Variants in PROS1 observed in about 807,000 individuals in gnomAD.
The protein encoded by PROS1 is vitamin K-dependent protein S.
Under a neutral mutation model 75.9 loss-of-function variants are expected in PROS1, and 29 were observed. The ratio of observed to expected loss-of-function variants is 0.38; its 90% CI spans 0.28 to 0.52. The LOEUF (loss-of-function observed/expected upper bound fraction) is 0.52, where lower values mean the gene tolerates loss of function less well. Among genes scored for constraint, PROS1 ranks in the 20% least tolerant of loss-of-function variants. The pLI, the probability that PROS1 is intolerant of heterozygous loss-of-function variation, is 0.83. For synonymous variants in PROS1, 245 were observed against 280.6 expected (o/e 0.87, Z 1.27); for missense variants, 680 against 810.3 (o/e 0.84, Z 1.95).
At chr3:93,954,133 G>A (rs1157393818) in intron 1 of PROS1, among the ~76,000 whole-genome samples, 4 of 152,102 alleles carry the variant, frequency 2.6e-5, no homozygotes, top group South Asian at 2.1e-4. Flanking sequence ...TCAATATCAC[G>A]AAAATGGCCA....
intron 1 of PROS1, among the ~76,000 whole-genome samples, chr3:93,966,916 A>G (rs1340407438): frequency 6.6e-6 from 1 of 152,174 alleles, no homozygotes; most frequent in Non-Finnish European, 1.5e-5. Flanking sequence ...ATTGTTTCTC[A>G]AGAGAAGCCA....
At chr3:93,880,347 A>G (rs1474820734) in intron 12 of PROS1, among the ~76,000 whole-genome samples, 1 of 152,056 alleles carries the variant, frequency 6.6e-6, no homozygotes, top group Admixed American at 6.6e-5. Flanking sequence ...AAAAAAATAC[A>G]AAAAATTAGC....
At chr3:93,944,961 G>T (rs1323987555) in intron 1 of PROS1, among the ~76,000 whole-genome samples, 1 of 151,622 alleles carries the variant, frequency 6.6e-6, no homozygotes, top group African/African-American at 2.4e-5. Flanking sequence ...TCAAATAGAC[G>T]CAATAAAAAA....
chr3:93,972,593 C>T (rs1709895364), intron 1 of PROS1, among the ~76,000 whole-genome samples: 1 of 151,722 alleles, frequency 6.6e-6, no homozygotes, highest in African/African-American at 2.4e-5. Flanking sequence ...AATCCCAGCA[C>T]TTTGGGAGGC....
chr3:93,955,357 A>G (rs1198595912), intron 1 of PROS1, among the ~76,000 whole-genome samples: 3 of 152,258 alleles, frequency 2.0e-5, no homozygotes, highest in Non-Finnish European at 2.9e-5. Context: ...CTGGATTAAG[A>G]AAATGTGGCA....
intron 1 of PROS1, among the ~76,000 whole-genome samples, chr3:93,938,413 G>T (rs980368601): frequency 7.9e-5 from 12 of 152,208 alleles, no homozygotes; most frequent in African/African-American, 2.2e-4. Flanking sequence ...AAGCCTGTTT[G>T]GTGGTCTCTT....
chr3:93,955,718 A>C (rs1709587996), intron 1 of PROS1, among the ~76,000 whole-genome samples: 2 of 149,896 alleles, frequency 1.3e-5, no homozygotes, highest in African/African-American at 2.5e-5. Context: ...TAGAACTTAA[A>C]GTATAAAAAA....
chr3:93,911,762 G>C (rs1186078242), intron 3 of PROS1, among the ~76,000 whole-genome samples: 1 of 152,162 alleles, frequency 6.6e-6, no homozygotes, highest in Non-Finnish European at 1.5e-5. Context: ...CTAAGACAGA[G>C]AAAGCAAACT....
At chr3:93,950,214 A>G (rs1709472414) in intron 1 of PROS1, among the ~76,000 whole-genome samples, 1 of 152,170 alleles carries the variant, frequency 6.6e-6, no homozygotes, top group South Asian at 2.1e-4. Context: ...CCCATGGCAG[A>G]TCAAGGAGGC....
intron 8 of PROS1, 29 bp downstream of exon 8, chr3:93,898,419 T>C (rs373668396): frequency 1.9e-6 from 3 of 1,610,586 alleles, no homozygotes; most frequent in Admixed American, 1.7e-5. Flanking sequence ...AGAAAACAGG[T>C]GAGAAGTTAA....
At chr3:93,902,261 C>G (rs1708607299) in intron 6 of PROS1, among the ~76,000 whole-genome samples, 1 of 151,970 alleles carries the variant, frequency 6.6e-6, no homozygotes, top group South Asian at 2.1e-4. Context: ...TTGCACCACT[C>G]CACTCCATCC....
chr3:93,886,089 T>C (rs1237993774), intron 11 of PROS1, among the ~76,000 whole-genome samples: 1 of 152,196 alleles, frequency 6.6e-6, no homozygotes. Context: ...AACTTGAGAA[T>C]TTTAGAAATC....
At chr3:93,936,504 A>G (rs141770679) in intron 1 of PROS1, among the ~76,000 whole-genome samples, 1,967 of 152,302 alleles carry the variant, frequency 0.013, 46 homozygotes, top group African/African-American at 0.044. Flanking sequence ...GGAGTTCTCT[A>G]TAGCTCTGTT....
intron 1 of PROS1, among the ~76,000 whole-genome samples, chr3:93,934,008 CAAAAA>C (rs60441503): frequency 2.3e-5 from 2 of 88,566 alleles, no homozygotes; most frequent in Admixed American, 1.3e-4. Flanking sequence ...GACTCTGTCT[CAAAAA>C]AAAAAAAAAA....
Position 93,879,297 on chromosome 3 carries a change from C to T in PROS1, c.1510G>A (p.Glu504Lys). The change falls in exon 13 of 15, where the codon GAG becomes AAG. Residue 504 changes from glutamate to lysine, a missense_variant. Coordinates refer to ENST00000394236, the MANE Select transcript of PROS1 (RefSeq NM_000313.4). ...AAGGTCACATTTACATGCCAACCCT[C>T]AGCACTGGATACATTATCTATTTAA... ...HIDYNNVSSAEGWHVNVTLNI... is the reference protein window; with the variant it reads ...HIDYNNVSSAKGWHVNVTLNI... 6.2e-7 allele frequency: 1 copy of T among 1,613,990 alleles called. No homozygotes were observed. Among genetic ancestry groups the T allele is most frequent in the Non-Finnish European group, 8.5e-7 (1 of 1,179,902 alleles).
chr3:93,929,055 CTCG>C (rs1709067839), intron 1 of PROS1, among the ~76,000 whole-genome samples: 1 of 152,184 alleles, frequency 6.6e-6, no homozygotes, highest in Admixed American at 6.5e-5. Flanking sequence ...AGCACATATA[CTCG>C]TCATCTCAAC....
Position 93,973,811 on chromosome 3 carries a change from A to G in PROS1, c.-62T>C, listed in dbSNP as rs556711298. The G allele has an allele frequency of 6.9e-7, 1 of 1,447,776 alleles. No individual in the cohort carries two copies. The highest frequency in any genetic ancestry group is 9.4e-7 in the Non-Finnish European group (1 of 1,060,040). The allele number at this position is 1,447,776 out of a possible 1,614,324, so 89.7% of individuals were successfully genotyped here. ...GCGTCGCGGCGGGGACCGGAGCGCT[A>G]GGCGCCGCGGAGCTGCGAGCCTGTG... On this transcript the variant is annotated 5_prime_UTR_variant, in exon 1 of 15. Transcript: ENST00000394236.
intron 12 of PROS1, among the ~76,000 whole-genome samples, chr3:93,883,299 T>A (rs1708298659): frequency 6.6e-6 from 1 of 152,110 alleles, no homozygotes; most frequent in Non-Finnish European, 1.5e-5. Context: ...ACTGAGCTGC[T>A]ATGATGAAAA....
intron 3 of PROS1, among the ~76,000 whole-genome samples, chr3:93,917,173 C>CA (rs1708868116): frequency 6.6e-6 from 1 of 152,218 alleles, no homozygotes; most frequent in Non-Finnish European, 1.5e-5. Flanking sequence ...TACTTGCTTT[C>CA]AAAAAATACA....
Sources: allele counts gnomAD v4.1 joint callset (sites outside exome capture counted in the v4.1 genomes callset), GRCh38; gene constraint gnomAD v4.1.1; transcripts MANE v1.5; gene names NCBI Gene and HGNC (gene_info 2026-07-23, HGNC 2026-07-21).